MPDZ: variants seen among roughly 807,000 people sequenced by gnomAD.
MPDZ encodes the protein multiple PDZ domain protein.
MPDZ carries 234 observed loss-of-function variants against 239.1 expected under a neutral mutation model. That is an observed-to-expected ratio of 0.98 (90% CI 0.88 to 1.09). The LOEUF is 1.09. Among genes scored for constraint, MPDZ ranks in the 50% least tolerant of loss-of-function variants. The pLI, the probability that MPDZ is intolerant of heterozygous loss-of-function variation, is 0.00. For synonymous variants in MPDZ, 1,048 were observed against 881.3 expected, an observed-to-expected ratio of 1.19 and a Z score of -3.35; for missense variants, 3,175 against 2,510.0, an observed-to-expected ratio of 1.26 and a Z score of -5.66.
At chr9:13,274,429 A>C (rs944507614) in intron 1 of MPDZ, 2 of 152,102 alleles carry the variant, frequency 1.3e-5, no homozygotes, top group African/African-American at 4.8e-5. Flanking sequence ...TAAAACTAAA[A>C]AGTGGATAAA....
At chr9:13,128,325 G>C (rs1376680576) in intron 32 of MPDZ, among the ~76,000 whole-genome samples, 1 of 152,198 alleles carries the variant, frequency 6.6e-6, no homozygotes, top group East Asian at 1.9e-4. Flanking sequence ...TGGATAACTT[G>C]CTCTGCAAGA....
At chr9:13,125,017 C>A (rs562047311) in intron 35 of MPDZ, among the ~76,000 whole-genome samples, 199 bp downstream of exon 35, 80 of 152,184 alleles carry the variant, frequency 5.3e-4, no homozygotes, top group African/African-American at 1.8e-3. Context: ...TAATGTACAG[C>A]ACATAGATTG....
intron 30 of MPDZ, 104 bp downstream of exon 30, chr9:13,136,608 G>A (rs1240596266): frequency 1.3e-6 from 1 of 789,720 alleles, no homozygotes; most frequent in Non-Finnish European, 2.1e-6. Context: ...TTACAGGCAT[G>A]AGCCAGCATG....
At position 13,190,218 on chromosome 9, in the gene MPDZ, T is replaced by C; in HGVS notation, c.2050A>G (p.Thr684Ala). Residue 684 changes from threonine (T) to alanine (A), a missense_variant, in exon 16 of 47, where the codon ACA becomes GCA. Physicochemically the swap from Thr to Ala is moderately conservative, Grantham distance 58 (BLOSUM62 0). Coordinates refer to ENST00000319217, the MANE Select transcript of MPDZ (RefSeq NM_001378778.1). ...VLAMTDAGQSTEEVQAPLAMW... is the reference protein window; with the variant it reads ...VLAMTDAGQSAEEVQAPLAMW... ...GCCAAAGGTGCTTGAACCTCTTCTG[T>C]ACTCTGACCCGCATCAGTCATCGCC... The C allele has an allele frequency of 1.9e-6, 3 of 1,613,150 alleles. No individual in the cohort carries two copies. Among genetic ancestry groups the C allele is most frequent in the East Asian group, 2.2e-5 (1 of 44,740 alleles).
Position 13,150,672 on chromosome 9 carries a change from C to T in MPDZ, c.3469G>A (p.Glu1157Lys), listed in dbSNP as rs766391248. The T allele has an allele frequency of 1.4e-6, 2 of 1,405,204 alleles. No homozygotes were observed. Among genetic ancestry groups the T allele is most frequent in the African/African-American group, 1.5e-5 (1 of 68,264 alleles). 87.0% of individuals were successfully genotyped at this position (1,405,204 alleles called of 1,614,324 possible). A position where few individuals can be genotyped will look rare whatever the true frequency, so the allele number is the denominator to read the frequency against. ...CTGATGCCTAAGGATTTGCTTGGTTCTCTCCAGAGTTCCACCCTAAAAAAT... is the reference window on the plus strand; with the variant it reads ...CTGATGCCTAAGGATTTGCTTGGTTTTCTCCAGAGTTCCACCCTAAAAAAT... ...NQPRRVELWR[E>K]PSKSLGISIV... Residue 1157 changes from glutamate (E) to lysine (K), a missense_variant, in exon 25 of 47, where the codon GAA (glutamate) becomes AAA (lysine). Glu to Lys is a moderately conservative substitution (Grantham distance 56). Coordinates refer to ENST00000319217, the MANE Select transcript of MPDZ (RefSeq NM_001378778.1).
At chr9:13,253,754 A>G (rs1415135638) in intron 1 of MPDZ, among the ~76,000 whole-genome samples, 1 of 152,202 alleles carries the variant, frequency 6.6e-6, no homozygotes, top group East Asian at 1.9e-4. Context: ...TGAATCAGAG[A>G]GGCAGAAAAG....
At chr9:13,279,037 T>G (rs1001714639) in intron 1 of MPDZ, 16 of 151,918 alleles carry the variant, frequency 1.1e-4, no homozygotes, top group African/African-American at 3.6e-4. Flanking sequence ...AACCTCTTAG[T>G]CAGCGAGAGC....
intron 1 of MPDZ, among the ~76,000 whole-genome samples, chr9:13,276,110 C>A (rs924955752): frequency 3.3e-5 from 5 of 152,180 alleles, no homozygotes; most frequent in Non-Finnish European, 7.3e-5. Flanking sequence ...CCAACTAAGA[C>A]CCTACACTTC....
At chr9:13,217,746 GAAT>G (rs971649671) in intron 8 of MPDZ, among the ~76,000 whole-genome samples, 2 of 151,780 alleles carry the variant, frequency 1.3e-5, no homozygotes, top group Non-Finnish European at 2.9e-5. Context: ...ATCAGGAAAA[GAAT>G]AACAACAACT....
intron 1 of MPDZ, among the ~76,000 whole-genome samples, chr9:13,253,907 C>A (rs1968750946): frequency 6.6e-6 from 1 of 152,144 alleles, no homozygotes; most frequent in Non-Finnish European, 1.5e-5. Flanking sequence ...AATACTTACA[C>A]AATCCACTCA....
At chr9:13,244,271 TTATTAAACTGCTAAC>T (rs1401160152) in intron 3 of MPDZ, among the ~76,000 whole-genome samples, 2 of 152,188 alleles carry the variant, frequency 1.3e-5, no homozygotes, top group Non-Finnish European at 2.9e-5. Flanking sequence ...CAAGTTTCTA[TTATTAAACTGCTAAC>T]GTGTTTATTT....
At chr9:13,268,023 G>A (rs1972139516) in intron 1 of MPDZ, among the ~76,000 whole-genome samples, 1 of 152,184 alleles carries the variant, frequency 6.6e-6, no homozygotes, top group Non-Finnish European at 1.5e-5. Context: ...GTAAGATAAG[G>A]TATTCAAAAG....
chr9:13,264,243 A>G (rs1422141522), intron 1 of MPDZ, among the ~76,000 whole-genome samples: 1 of 152,202 alleles, frequency 6.6e-6, no homozygotes, highest in Non-Finnish European at 1.5e-5. Flanking sequence ...AGGCAAAATG[A>G]TCTTTCAAAC....
At chr9:13,165,690 C>T (rs1011434798) in intron 22 of MPDZ, among the ~76,000 whole-genome samples, 2 of 152,092 alleles carry the variant, frequency 1.3e-5, no homozygotes, top group Admixed American at 1.3e-4. Flanking sequence ...TAGGTTAAGG[C>T]AGGTGAATTC....
rs1971568545 is a variant in MPDZ at position 13,265,429 on chromosome 9, T to C, written c.-58+13971A>G. On this transcript the variant is annotated intron_variant, in intron 1 of 46. Coordinates refer to ENST00000319217, the MANE Select transcript of MPDZ (RefSeq NM_001378778.1). ...TACTAACAATACAAAATTAGCCAGG[T>C]GTGGTGGCGCATGCCTGTAATCCCA... Among the ~76,000 whole-genome samples the C allele has an allele frequency of 2.0e-5, 3 of 152,042 alleles. No homozygotes were observed. In the South Asian group the frequency reaches 6.2e-4, roughly 32 times the overall value.
rs548753720 is a variant in MPDZ at position 13,272,622 on chromosome 9, C to T, written c.-58+6778G>A. 2.4e-4 allele frequency among the ~76,000 whole-genome samples: 36 copies of T among 148,200 alleles called. 1 individual carries two copies. The South Asian group carries it at 7.5e-3, about 31-fold the overall frequency. Reference sequence around the variant, plus strand: ...CCTGTAATCCCAACACTTTTGGAGGCTGAGGCGGGGAGATCACCTGACCTG... The same window carrying T: ...CCTGTAATCCCAACACTTTTGGAGGTTGAGGCGGGGAGATCACCTGACCTG... On this transcript the variant is annotated intron_variant, in intron 1 of 46. Transcript: ENST00000319217.
At chr9:13,164,769 T>G (rs1950870505) in intron 22 of MPDZ, among the ~76,000 whole-genome samples, 1 of 152,122 alleles carries the variant, frequency 6.6e-6, no homozygotes, top group Admixed American at 6.6e-5. Context: ...TTCCTAACTA[T>G]TTAGCCACTA....
intron 26 of MPDZ, among the ~76,000 whole-genome samples, chr9:13,146,065 T>A (rs1167489677): frequency 1.3e-5 from 2 of 152,002 alleles, no homozygotes; most frequent in South Asian, 4.1e-4. Context: ...TTTAAACAAA[T>A]GGAATAGCTT....
chr9:13,236,268 T>TATATATATATATATA (rs1491170147), intron 3 of MPDZ, among the ~76,000 whole-genome samples: 321 of 12,914 alleles, frequency 0.025, 57 homozygotes, highest in Middle Eastern at 0.14. Context: ...TATATATATA[T>TATATATATATATATA]TTTTTTTTTT....
Sources: gnomAD v4.1 joint callset for allele counts (sites outside exome capture counted in the v4.1 genomes callset) on GRCh38, gnomAD v4.1.1 for gene constraint, MANE v1.5 for transcripts, NCBI Gene and HGNC (gene_info 2026-07-23, HGNC 2026-07-21) for gene names.